The following RGS9 variants were observed in gnomAD, a reference collection of about 807,000 sequenced individuals.
RGS9 encodes regulator of G protein signaling 9, also known as regulator of G-protein signalling 9.
A neutral mutation model predicts 102.0 loss-of-function variants in RGS9; 78 were observed. The observed-to-expected ratio is 0.76, with a 90% CI of 0.64 to 0.92. The LOEUF (loss-of-function observed/expected upper bound fraction) is 0.92, where lower values mean the gene tolerates loss of function less well. RGS9 is among the 40% of genes least tolerant of loss of function. The pLI, the probability that RGS9 is intolerant of heterozygous loss-of-function variation, is 0.00. For missense variants in RGS9, 833 were observed against 866.1 expected, an observed-to-expected ratio of 0.96 and a Z score of 0.48; for synonymous variants, 353 against 318.6, an observed-to-expected ratio of 1.11 and a Z score of -1.15.
At chr17:65,159,153 A>AC (rs567788679) in intron 3 of RGS9, among the ~76,000 whole-genome samples, 138 of 114,758 alleles carry the variant, frequency 1.2e-3, no homozygotes, top group African/African-American at 4.3e-3. Flanking sequence ...GCACCTTGTG[A>AC]CCCCCCACTC....
Position 65,225,407 on chromosome 17 carries a change from G to A in RGS9, c.1813G>A (p.Ala605Thr), listed in dbSNP as rs1905611853. ...VFARLSPKCP[A>T]VSHGRVQPLG... ...TGCCAGGCTCTCACCCAAGTGCCCT[G>A]CTGTGTCCCACGGGAGGGTGCAGCC... The change falls in exon 18 of 19, where the codon GCT becomes ACT. Residue 605 changes from alanine to threonine, a missense_variant. This residue lies in a region of RGS9 where 320 missense variants were observed against 276.8 expected (regional missense o/e 1.16). Transcript: ENST00000262406. 1 of 1,611,230 alleles carries A rather than the reference G, an allele frequency of 6.2e-7. No individual in the cohort carries two copies. The highest frequency in any genetic ancestry group is 1.1e-5 in the South Asian group (1 of 91,086).
intron 1 of RGS9, among the ~76,000 whole-genome samples, chr17:65,146,558 G>GC (rs1346799295): frequency 7.0e-6 from 1 of 143,596 alleles, no homozygotes; most frequent in South Asian, 2.2e-4. Context: ...CTGCACTCCA[G>GC]CTTGGCGACA....
At chr17:65,202,444 T>TGTGTGTGAGAGAGA (rs3838367) in intron 14 of RGS9, among the ~76,000 whole-genome samples, 14 of 131,786 alleles carry the variant, frequency 1.1e-4, no homozygotes, top group South Asian at 4.8e-4. Flanking sequence ...TGTGTGTGTG[T>TGTGTGTGAGAGAGA]GAGAGAGAGA....
chr17:65,214,847 C>G lies in RGS9; in HGVS notation c.1407+4242C>G, dbSNP rs570355465. On this transcript the variant is annotated intron_variant, in intron 17 of 18. Coordinates refer to ENST00000262406, the MANE Select transcript of RGS9 (RefSeq NM_003835.4). ...GTATCATGGAAGGCTGGAATGTGGA[C>G]TCGTTACTGCAGTCTCATAAGCGCC... Among the ~76,000 whole-genome samples the G allele has an allele frequency of 2.6e-5, 4 of 152,330 alleles. No homozygotes were observed. The East Asian group carries it at 7.7e-4, about 29-fold the overall frequency.
intron 15 of RGS9, among the ~76,000 whole-genome samples, chr17:65,206,576 C>T (rs1003590085): frequency 1.3e-5 from 2 of 152,186 alleles, no homozygotes; most frequent in Admixed American, 6.5e-5. Context: ...ACCCAGGAGG[C>T]TGAGGCAGGA....
At position 65,225,493 on chromosome 17, in the gene RGS9, A is replaced by T. The variant is rs1598013560; in HGVS notation, c.1892+7A>T. On this transcript the variant is annotated splice_region_variant and intron_variant, in intron 18 of 18. Coordinates refer to ENST00000262406, the MANE Select transcript of RGS9 (RefSeq NM_003835.4). ...AATCCAAGAGAGTAGCAAAGTAAGA[A>T]CCCGAAGGGGACGTGCCGTATGCAT... The T allele has an allele frequency of 7.5e-6, 12 of 1,600,658 alleles. No homozygotes were observed. The East Asian group carries it at 2.7e-4, about 36-fold the overall frequency.
intron 8 of RGS9, among the ~76,000 whole-genome samples, chr17:65,170,848 G>T (rs938136535): frequency 1.3e-5 from 2 of 152,152 alleles, no homozygotes; most frequent in Non-Finnish European, 2.9e-5. Context: ...GCAGGAGAGT[G>T]CAGTGGCCCC....
chr17:65,188,432 C>G (rs1332599894), intron 9 of RGS9, among the ~76,000 whole-genome samples: 1 of 152,172 alleles, frequency 6.6e-6, no homozygotes, highest in Non-Finnish European at 1.5e-5. Context: ...TGGCCTCAAG[C>G]CTTTCCATTA....
intron 8 of RGS9, among the ~76,000 whole-genome samples, chr17:65,176,099 T>C (rs1911613960): frequency 6.6e-6 from 1 of 152,154 alleles, no homozygotes; most frequent in African/African-American, 2.4e-5. Flanking sequence ...ACCTGGTTGG[T>C]CACATGTGCT....
chr17:65,223,400 AG>A (rs1265587301), intron 17 of RGS9, among the ~76,000 whole-genome samples: 1 of 152,216 alleles, frequency 6.6e-6, no homozygotes, highest in Non-Finnish European at 1.5e-5. Context: ...GCTGGTGGGA[AG>A]GAATGAGACA....
At chr17:65,216,456 G>A (rs777307164) in intron 17 of RGS9, among the ~76,000 whole-genome samples, 35 of 152,188 alleles carry the variant, frequency 2.3e-4, no homozygotes, top group Non-Finnish European at 3.1e-4. Flanking sequence ...GGCTAACCCA[G>A]TGAAACCCTG....
chr17:65,211,666 T>C (rs2144111663), intron 17 of RGS9, among the ~76,000 whole-genome samples: 1 of 152,300 alleles, frequency 6.6e-6, no homozygotes, highest in Admixed American at 6.5e-5. Context: ...CTTACACTTG[T>C]GCAAGAATGC....
intron 6 of RGS9, among the ~76,000 whole-genome samples, chr17:65,162,476 T>C (rs1314176401): frequency 6.6e-6 from 1 of 152,186 alleles, no homozygotes; most frequent in Admixed American, 6.5e-5. Context: ...ATTTTTTATT[T>C]ATTTGAGAGG....
chr17:65,187,298 A>T (rs1383818630), intron 9 of RGS9, among the ~76,000 whole-genome samples: 2 of 152,180 alleles, frequency 1.3e-5, no homozygotes, highest in Non-Finnish European at 2.9e-5. Flanking sequence ...TACATTAAAC[A>T]AAGAGTCACA....
At chr17:65,207,037 C>G (rs1267982146) in intron 15 of RGS9, among the ~76,000 whole-genome samples, 1 of 152,210 alleles carries the variant, frequency 6.6e-6, no homozygotes, top group African/African-American at 2.4e-5. Flanking sequence ...GAGTTTTCCG[C>G]TCGCTTAAAA....
At chr17:65,184,233 A>G (rs953220115) in intron 9 of RGS9, among the ~76,000 whole-genome samples, 1 of 152,110 alleles carries the variant, frequency 6.6e-6, no homozygotes, top group African/African-American at 2.4e-5. Context: ...AATGTTTCTT[A>G]TTGCCTTTGG....
chr17:65,200,040 A>G (rs577604443), intron 13 of RGS9, among the ~76,000 whole-genome samples: 1 of 151,434 alleles, frequency 6.6e-6, no homozygotes, highest in South Asian at 2.1e-4. Context: ...CATTTTAACC[A>G]TTTGCTTTTG....
intron 1 of RGS9, 110 bp from the exon 2 acceptor site, chr17:65,153,312 C>A (rs1598563398): frequency 5.5e-6 from 5 of 914,702 alleles, no homozygotes; most frequent in Non-Finnish European, 9.2e-6. Context: ...GATGGGGAAC[C>A]CCTGTGTCCA....
At chr17:65,161,582 G>T (rs987333563) in intron 6 of RGS9, among the ~76,000 whole-genome samples, 1 of 151,816 alleles carries the variant, frequency 6.6e-6, no homozygotes, top group Non-Finnish European at 1.5e-5. Context: ...GAAAACAATA[G>T]GACTGTATAG....
Sources: gnomAD v4.1 joint callset for allele counts (sites outside exome capture counted in the v4.1 genomes callset) on GRCh38, gnomAD v4.1.1 for gene constraint, gnomAD v4.1.1 regional missense constraint, MANE v1.5 for transcripts, NCBI Gene and HGNC (gene_info 2026-07-23, HGNC 2026-07-21) for gene names.